The following DOCK8 variants were observed in gnomAD, a reference collection of about 807,000 sequenced individuals.
The protein encoded by DOCK8 is dedicator of cytokinesis 8.
A neutral mutation model predicts 245.6 loss-of-function variants in DOCK8; 141 were observed. The ratio of observed to expected loss-of-function variants is 0.57; its 90% CI spans 0.50 to 0.66. The LOEUF is 0.66. DOCK8 is among the 30% of genes least tolerant of loss of function. The pLI is 0.00. For synonymous variants in DOCK8, 1,168 were observed against 970.2 expected (o/e 1.20, Z -3.79); for missense variants, 2,965 against 2,603.4 (o/e 1.14, Z -3.02).
At chr9:330,310 T>C (rs1336456281) in intron 9 of DOCK8, among the ~76,000 whole-genome samples, 2 of 152,192 alleles carry the variant, frequency 1.3e-5, no homozygotes, top group Non-Finnish European at 2.9e-5. Context: ...GTGCCCAATT[T>C]AAATATTTCA....
Position 400,235 on chromosome 9 carries a change from T to TCAC in DOCK8, c.3234+984_3234+986dup, listed in dbSNP as rs1332850232. 1.0e-2 allele frequency among the ~76,000 whole-genome samples: 164 copies of TCAC among 16,474 alleles called. 1 individual carries two copies. The highest frequency in any genetic ancestry group is 0.036 in the East Asian group (11 of 306). The allele number at this position is 16,474 out of a possible 152,430, so 10.8% of individuals were successfully genotyped here. ...TCCACTATCACCACCACCTCCACCA[T>TCAC]CACCACCACCTCCACCATCACCACC... On this transcript the variant is annotated intron_variant, in intron 26 of 47. Coordinates refer to ENST00000432829, the MANE Select transcript of DOCK8 (RefSeq NM_203447.4).
intron 28 of DOCK8, among the ~76,000 whole-genome samples, chr9:412,618 C>T (rs541427716): frequency 2.0e-5 from 3 of 151,800 alleles, no homozygotes; most frequent in East Asian, 1.9e-4. Flanking sequence ...TATACACTTA[C>T]GATGAGCAAT....
chr9:324,601 C>T lies in DOCK8; in HGVS notation c.828-1070C>T, dbSNP rs368033559. On this transcript the variant is annotated intron_variant, in intron 7 of 47. Transcript: ENST00000432829. ...CTCATCTTTCTAGCTCTCATGGGGCCCAGGCACCTCAGTGTTTATCTGCTG... is the reference window on the plus strand; with the variant it reads ...CTCATCTTTCTAGCTCTCATGGGGCTCAGGCACCTCAGTGTTTATCTGCTG... 3.9e-4 allele frequency among the ~76,000 whole-genome samples: 59 copies of T among 152,186 alleles called. No individual in the cohort carries two copies. In the South Asian group the frequency reaches 0.012, roughly 30 times the overall value.
At chr9:263,023 G>A (rs117716880) in intron 1 of DOCK8, among the ~76,000 whole-genome samples, 2,786 of 152,162 alleles carry the variant, frequency 0.018, 48 homozygotes, top group South Asian at 0.056. Context: ...CCTAGCCAAC[G>A]TGGTGAAACC....
intron 30 of DOCK8, among the ~76,000 whole-genome samples, chr9:419,133 T>G (rs552594743): frequency 1.3e-5 from 2 of 152,230 alleles, no homozygotes; most frequent in African/African-American, 2.4e-5. Context: ...TCCTCCAATG[T>G]CATTTACTTT....
chr9:460,411 A>G (rs1371235201), intron 46 of DOCK8: 1 of 152,334 alleles, frequency 6.6e-6, no homozygotes, highest in Non-Finnish European at 1.5e-5. Context: ...TAGCCTGCCA[A>G]TGTTATAAAC....
intron 33 of DOCK8, among the ~76,000 whole-genome samples, chr9:425,486 T>G (rs192678565): frequency 3.5e-5 from 5 of 143,486 alleles, no homozygotes; most frequent in Non-Finnish European, 5.9e-5. Context: ...GAGCCAAGAT[T>G]GCGCCACTGC....
intron 28 of DOCK8, 85 bp from the exon 29 acceptor site, chr9:414,697 C>T (rs1397071756): frequency 6.5e-6 from 10 of 1,536,044 alleles, no homozygotes; most frequent in East Asian, 4.5e-5. Context: ...TGCTTAGGAG[C>T]GTTTTCATCA....
rs1354792632 is a variant in DOCK8 at position 463,616 on chromosome 9, C to G, written c.6168C>G (p.Asn2056Lys). 1 of 1,613,874 alleles carries G rather than the reference C, an allele frequency of 6.2e-7. No individual in the cohort carries two copies. The highest frequency in any genetic ancestry group is 1.3e-5 in the African/African-American group (1 of 75,010). The change falls in exon 47 of 48, where the codon AAC (asparagine) becomes AAG (lysine). Residue 2056 changes from asparagine (N) to lysine (K), a missense_variant. Asn to Lys is a moderately conservative substitution (Grantham distance 94, BLOSUM62 0). Around this residue, in one of 3 missense-constraint regions of DOCK8, gnomAD observed 134 missense variants for 128.1 expected, o/e 1.05. Transcript: ENST00000432829. ...AGAACTATAACAAGCTAAAAGAGAA[C>G]CTCAGGCCAATGATCGAGCGGAAAA... ...LKKNYNKLKE[N>K]LRPMIERKIP...
At chr9:400,025 CCACCATCACCA>C (rs2054701014) in intron 26 of DOCK8, among the ~76,000 whole-genome samples, 2 of 91,124 alleles carry the variant, frequency 2.2e-5, no homozygotes, top group African/African-American at 5.8e-5. Context: ...ACCACCACCT[CCACCATCACCA>C]CCACCACCTC....
At chr9:316,693 A>G (rs1323523519) in intron 6 of DOCK8, among the ~76,000 whole-genome samples, 1 of 152,250 alleles carries the variant, frequency 6.6e-6, no homozygotes, top group Non-Finnish European at 1.5e-5. Flanking sequence ...ATGTGTAATT[A>G]GAGTGGGCAA....
chr9:223,919 A>T (rs546865395), intron 1 of DOCK8, among the ~76,000 whole-genome samples: 3 of 152,190 alleles, frequency 2.0e-5, no homozygotes, highest in Non-Finnish European at 2.9e-5. Context: ...ATCCATAAAC[A>T]ATATATGGTA....
chr9:307,230 T>A (rs995276808), intron 5 of DOCK8, among the ~76,000 whole-genome samples: 2 of 151,768 alleles, frequency 1.3e-5, no homozygotes, highest in Non-Finnish European at 2.9e-5. Context: ...AAGGGTGAAT[T>A]TGGAGCCCAG....
chr9:385,956 G>C (rs977333520), intron 22 of DOCK8, among the ~76,000 whole-genome samples: 4 of 152,262 alleles, frequency 2.6e-5, no homozygotes, highest in Admixed American at 2.6e-4. Context: ...ACAATGTATT[G>C]GTGTTTAGGA....
intron 26 of DOCK8, among the ~76,000 whole-genome samples, chr9:399,960 A>G (rs1234963599): frequency 1.3e-5 from 2 of 148,520 alleles, no homozygotes; most frequent in South Asian, 2.1e-4. Context: ...CATGCCCACT[A>G]TCACCACCTT....
At chr9:267,296 C>T (rs1295809178) in intron 1 of DOCK8, among the ~76,000 whole-genome samples, 2 of 152,232 alleles carry the variant, frequency 1.3e-5, no homozygotes, top group Non-Finnish European at 2.9e-5. Flanking sequence ...GCCTCAACCT[C>T]CCAGGCTCAA....
Position 372,240 on chromosome 9 carries a change from T to C in DOCK8, c.2063T>C (p.Val688Ala), listed in dbSNP as rs1350245682. 2 of 1,614,156 alleles carry C rather than the reference T, an allele frequency of 1.2e-6. No homozygotes were observed. Among genetic ancestry groups the C allele is most frequent in the Admixed American group, 3.3e-5 (2 of 60,030 alleles). ...CAAACTGGATCCTACTGTCTCCCAG[T>C]TGCCTTGGAAAAATTGCCACCCAAC... ...RLQTGSYCLP[V>A]ALEKLPPNYS... The change falls in exon 18 of 48, where the codon GTT (valine) becomes GCT (alanine). Residue 688 changes from valine (V) to alanine (A), a missense_variant. By Grantham distance (64) the Val-to-Ala change is moderately conservative. Transcript: ENST00000432829.
chr9:366,676 T>G (rs759023220), intron 14 of DOCK8: 3 of 152,202 alleles, frequency 2.0e-5, no homozygotes, highest in Non-Finnish European at 4.4e-5. Context: ...AGAAGAGTCT[T>G]TCTCCTTCTG....
chr9:428,094 C>T (rs1233864217), intron 34 of DOCK8, among the ~76,000 whole-genome samples: 1 of 152,106 alleles, frequency 6.6e-6, no homozygotes, highest in Non-Finnish European at 1.5e-5. Context: ...AAGATGTGAC[C>T]CAGGATGAGG....
Sources: gnomAD v4.1 joint callset for allele counts (sites outside exome capture counted in the v4.1 genomes callset) on GRCh38, gnomAD v4.1.1 for gene constraint, gnomAD v4.1.1 regional missense constraint, MANE v1.5 for transcripts, NCBI Gene and HGNC (gene_info 2026-07-23, HGNC 2026-07-21) for gene names.